PRKCB: variants seen among roughly 807,000 people sequenced by gnomAD.
The protein encoded by PRKCB is protein kinase C beta.
PRKCB carries 13 observed loss-of-function variants against 81.5 expected under a neutral mutation model. The observed-to-expected ratio is 0.16, with a 90% CI of 0.10 to 0.25. The LOEUF (loss-of-function observed/expected upper bound fraction) is 0.25, where lower values mean the gene tolerates loss of function less well. PRKCB is among the 10% of genes least tolerant of loss of function. The pLI is 1.00. For synonymous variants in PRKCB, 335 were observed against 321.4 expected (o/e 1.04, Z -0.45); for missense variants, 509 against 875.7 (o/e 0.58, Z 5.29).
chr16:24,024,113 C>T (rs1039490802), intron 3 of PRKCB, among the ~76,000 whole-genome samples: 8 of 152,182 alleles, frequency 5.3e-5, no homozygotes, highest in East Asian at 3.9e-4. Flanking sequence ...TTTGTTTCTC[C>T]AGGTTCCTCA....
chr16:24,042,662 T>C (rs1055228681), intron 5 of PRKCB, among the ~76,000 whole-genome samples: 1 of 151,762 alleles, frequency 6.6e-6, no homozygotes, highest in African/African-American at 2.4e-5. Flanking sequence ...CCAACATCAA[T>C]AGAATTCAAA....
At position 23,993,535 on chromosome 16, in the gene PRKCB, A is replaced by C. The variant is rs186927784; in HGVS notation, c.288+4945A>C. On this transcript the variant is annotated intron_variant, in intron 3 of 16. Transcript: ENST00000643927. The stretch of plus-strand genomic sequence containing the variant: ...TGCTGGGAAGGTCAGACATACCTTT[A>C]AGAAAGGTATGTCTCTGTCAATACT... Among the ~76,000 whole-genome samples the C allele has an allele frequency of 1.6e-3, 239 of 152,322 alleles. 2 individuals carry two copies. Among genetic ancestry groups the C allele is most frequent in the Middle Eastern group, 3.4e-3 (1 of 294 alleles).
intron 2 of PRKCB, among the ~76,000 whole-genome samples, chr16:23,859,544 GA>G (rs1962627222): frequency 6.6e-6 from 1 of 152,172 alleles, no homozygotes; most frequent in South Asian, 2.1e-4. Flanking sequence ...TAATGGTGGA[GA>G]GGGGGGAGAA....
intron 9 of PRKCB, among the ~76,000 whole-genome samples, chr16:24,133,804 C>T (rs1211804935): frequency 7.2e-5 from 11 of 152,052 alleles, no homozygotes; most frequent in Non-Finnish European, 1.2e-4. Flanking sequence ...AAGAAGGAGG[C>T]GGGACCTTGA....
At position 24,094,283 on chromosome 16, in the gene PRKCB, C is replaced by T. The variant is rs1168813280; in HGVS notation, c.807C>T (p.Ala269=). ...LSFGISELQK[A]SVDGWFKLLS... is the part of the protein sequence containing the mutation. Reference sequence around the variant, plus strand: ...TTGGGATTTCTGAACTTCAGAAAGCCAGTGTTGATGGCTGGTAAGTAAGAT... The same window carrying T: ...TTGGGATTTCTGAACTTCAGAAAGCTAGTGTTGATGGCTGGTAAGTAAGAT... The change falls in exon 7 of 17, where the codon GCC becomes GCT. Residue 269 remains alanine (A), a synonymous_variant. Coordinates refer to ENST00000643927, the MANE Select transcript of PRKCB (RefSeq NM_002738.7). 1 of 1,614,078 alleles carries T rather than the reference C, an allele frequency of 6.2e-7. No homozygotes were observed. The highest frequency in any genetic ancestry group is 8.5e-7 in the Non-Finnish European group (1 of 1,179,974).
intron 2 of PRKCB, among the ~76,000 whole-genome samples, chr16:23,982,156 C>A (rs1216087859): frequency 1.9e-5 from 1 of 52,862 alleles, no homozygotes. Flanking sequence ...TTTCCCTTCC[C>A]CTTCCCTTTC....
chr16:23,911,128 C>CTTTG (rs1963645237), intron 2 of PRKCB, among the ~76,000 whole-genome samples: 1 of 31,556 alleles, frequency 3.2e-5, no homozygotes, highest in Non-Finnish European at 5.4e-5. Context: ...CGTATATATG[C>CTTTG]TTTTTTTTTT....
intron 2 of PRKCB, among the ~76,000 whole-genome samples, chr16:23,981,993 TTTTCCCTTCCACTTCCCC>T (rs1964728987): frequency 6.6e-5 from 3 of 45,786 alleles, no homozygotes; most frequent in South Asian, 9.1e-4. Context: ...TTTCCCTTCC[TTTTCCCTTCCACTTCCCC>T]TTTCCCTTCC....
At chr16:23,989,173 G>A (rs1268896000) in intron 3 of PRKCB, among the ~76,000 whole-genome samples, 1 of 152,140 alleles carries the variant, frequency 6.6e-6, no homozygotes, top group East Asian at 1.9e-4. Context: ...CACCGTGTTA[G>A]ACAGGATGGT....
chr16:24,204,676 G>A (rs2141989130), intron 16 of PRKCB, among the ~76,000 whole-genome samples: 1 of 152,186 alleles, frequency 6.6e-6, no homozygotes, highest in South Asian at 2.1e-4. Context: ...TAAAAAGCAA[G>A]CAAAAGAACA....
At chr16:24,123,268 G>A (rs1335007937) in intron 8 of PRKCB, among the ~76,000 whole-genome samples, 2 of 152,196 alleles carry the variant, frequency 1.3e-5, no homozygotes, top group Non-Finnish European at 2.9e-5. Context: ...AGGTGCAAAG[G>A]CCCTGTGGTT....
intron 3 of PRKCB, among the ~76,000 whole-genome samples, chr16:23,991,095 T>C (rs1404130214): frequency 6.6e-6 from 1 of 152,246 alleles, no homozygotes; most frequent in Admixed American, 6.5e-5. Context: ...AAGTGAGTAG[T>C]GACTATCTTC....
At chr16:23,895,606 A>T (rs954215347) in intron 2 of PRKCB, among the ~76,000 whole-genome samples, 4 of 152,204 alleles carry the variant, frequency 2.6e-5, no homozygotes, top group African/African-American at 9.6e-5. Context: ...TATAGGAGTT[A>T]GAGTTTCATG....
In PRKCB at chr16:23,856,762, C is replaced by A. The variant is rs1487366856; in HGVS notation, c.205+19356C>A. 3.3e-5 allele frequency among the ~76,000 whole-genome samples: 5 copies of A among 152,194 alleles called. No homozygotes were observed. The East Asian group carries it at 9.6e-4, about 29-fold the overall frequency. ...CTGGTCTCAAACTCCTGAGCTCAAACAGTCCTCCTACCTTGGCTTCCCAAA... is the reference window on the plus strand; with the variant it reads ...CTGGTCTCAAACTCCTGAGCTCAAAAAGTCCTCCTACCTTGGCTTCCCAAA... On this transcript the variant is annotated intron_variant, in intron 2 of 16. Coordinates refer to ENST00000643927, the MANE Select transcript of PRKCB (RefSeq NM_002738.7).
chr16:23,978,562 T>G (rs1340414667), intron 2 of PRKCB, among the ~76,000 whole-genome samples: 2 of 152,148 alleles, frequency 1.3e-5, no homozygotes, highest in Non-Finnish European at 2.9e-5. Flanking sequence ...GATTTGTTTG[T>G]GGAAAAGATG....
chr16:24,198,584 C>T (rs1967912557), intron 16 of PRKCB, among the ~76,000 whole-genome samples: 1 of 152,178 alleles, frequency 6.6e-6, no homozygotes, highest in Non-Finnish European at 1.5e-5. Flanking sequence ...GTGATCCTCC[C>T]ACCTCTGCCT....
chr16:23,920,723 A>G (rs1160400026), intron 2 of PRKCB, among the ~76,000 whole-genome samples: 2 of 152,056 alleles, frequency 1.3e-5, no homozygotes, highest in African/African-American at 4.8e-5. Flanking sequence ...AGCCCAGGGG[A>G]AGGGGATGGA....
At chr16:24,181,071 C>A in intron 13 of PRKCB, 143 bp downstream of exon 13, 2 of 1,070,182 alleles carry the variant, frequency 1.9e-6, no homozygotes, top group Non-Finnish European at 2.6e-6. Flanking sequence ...TAAATCCTCC[C>A]TTTGAGATCA....
intron 5 of PRKCB, among the ~76,000 whole-genome samples, chr16:24,050,897 C>T (rs74603763): frequency 0.03 from 4,512 of 151,700 alleles, 97 homozygotes; most frequent in Non-Finnish European, 0.045. Context: ...TCTATCACAT[C>T]GGGTGCTGCT....
Sources: allele counts gnomAD v4.1 joint callset (sites outside exome capture counted in the v4.1 genomes callset), GRCh38; gene constraint gnomAD v4.1.1; transcripts MANE v1.5; gene names NCBI Gene and HGNC (gene_info 2026-07-23, HGNC 2026-07-21).